AKAP19: variants seen among roughly 807,000 people sequenced by gnomAD.
The protein encoded by AKAP19 is small A-kinase anchoring protein.
chr2:189,991,641 G>A, the AKAP19 span, among the ~76,000 whole-genome samples: 1 of 152,176 alleles, frequency 6.6e-6, no homozygotes, highest in East Asian at 1.9e-4. Context: ...CTCCCACTCT[G>A]TGGTTGTCTG....
At chr2:190,065,954 C>T in the AKAP19 span, among the ~76,000 whole-genome samples, 3 of 152,182 alleles carry the variant, frequency 2.0e-5, no homozygotes, top group Non-Finnish European at 2.9e-5. Flanking sequence ...AGTCTGACTG[C>T]TGGAGACCCA....
At chr2:189,910,494 A>G in the AKAP19 span, among the ~76,000 whole-genome samples, 1 of 152,018 alleles carries the variant, frequency 6.6e-6, no homozygotes, top group Admixed American at 6.6e-5. Flanking sequence ...CTTCATGCAA[A>G]ACTATACTTT....
the AKAP19 span, among the ~76,000 whole-genome samples, chr2:189,888,716 G>T: frequency 6.6e-6 from 1 of 152,254 alleles, no homozygotes; most frequent in Non-Finnish European, 1.5e-5. Flanking sequence ...GTGAATGGGA[G>T]TTCACTCATG....
At chr2:189,971,705 G>A in the AKAP19 span, among the ~76,000 whole-genome samples, 4 of 152,228 alleles carry the variant, frequency 2.6e-5, no homozygotes, top group Admixed American at 2.0e-4. Flanking sequence ...ATCTCATTGC[G>A]GTTTTGATTT....
At chr2:190,076,242 G>A in the AKAP19 span, among the ~76,000 whole-genome samples, 32,607 of 152,010 alleles carry the variant, frequency 0.21, 9,061 homozygotes, top group African/African-American at 0.65. Flanking sequence ...TATTGTGGGG[G>A]GTTATGCTGT....
At chr2:189,893,351 G>A in the AKAP19 span, among the ~76,000 whole-genome samples, 1 of 152,174 alleles carries the variant, frequency 6.6e-6, no homozygotes, top group Non-Finnish European at 1.5e-5. Flanking sequence ...TGGTGGCGTA[G>A]GCACCTGAAG....
chr2:189,995,252 A>C, the AKAP19 span, among the ~76,000 whole-genome samples: 1 of 152,094 alleles, frequency 6.6e-6, no homozygotes, highest in East Asian at 1.9e-4. Context: ...ATGTGTTGCT[A>C]TCTATCACAT....
At chr2:190,180,197 C>T in the AKAP19 span, among the ~76,000 whole-genome samples, 2 of 152,254 alleles carry the variant, frequency 1.3e-5, no homozygotes, top group African/African-American at 4.8e-5. This position sits in a 1 kb window ranked among gnomAD's most constrained non-coding sequence, Gnocchi z 6.8. Flanking sequence ...GGCGGAATCC[C>T]TGGCCTAGCT....
the AKAP19 span, among the ~76,000 whole-genome samples, chr2:190,128,629 A>C: frequency 3.9e-5 from 6 of 152,228 alleles, no homozygotes; most frequent in African/African-American, 1.4e-4. Flanking sequence ...ATGAATGCTT[A>C]ATAAATATAT....
chr2:190,179,886 T>A, the AKAP19 span, among the ~76,000 whole-genome samples: 2 of 152,216 alleles, frequency 1.3e-5, no homozygotes, highest in Non-Finnish European at 2.9e-5. The surrounding 1 kb of genome is among the most constrained non-coding windows in gnomAD (Gnocchi z 6.0). Context: ...ATAATGGTTC[T>A]TTTGTAGTTC....
chr2:190,056,746 T>G, the AKAP19 span: 1 of 158,120 alleles, frequency 6.3e-6, no homozygotes, highest in Non-Finnish European at 1.4e-5. Context: ...GAATGGAAAT[T>G]GCATATGCTG....
At chr2:190,183,982 T>C in the AKAP19 span, among the ~76,000 whole-genome samples, 6 of 152,062 alleles carry the variant, frequency 3.9e-5, no homozygotes, top group Non-Finnish European at 7.4e-5. Context: ...CCTTTCTTAC[T>C]ATACTTTCCA....
the AKAP19 span, chr2:190,062,403 C>T: frequency 3.1e-4 from 500 of 1,613,366 alleles, 2 homozygotes; most frequent in African/African-American, 5.3e-3. Context: ...TGTTTCCAGA[C>T]GAAGTTTACT....
chr2:190,114,852 A>C, the AKAP19 span, among the ~76,000 whole-genome samples: 1 of 151,980 alleles, frequency 6.6e-6, no homozygotes, highest in Non-Finnish European at 1.5e-5. Flanking sequence ...TCTAATGCCT[A>C]ATTTGTATTT....
At chr2:190,082,810 C>T in the AKAP19 span, among the ~76,000 whole-genome samples, 6 of 152,154 alleles carry the variant, frequency 3.9e-5, no homozygotes, top group Admixed American at 1.3e-4. Flanking sequence ...CAATTCTAAA[C>T]CCACTTTCTC....
the AKAP19 span, among the ~76,000 whole-genome samples, chr2:189,906,937 T>G: frequency 1.3e-5 from 2 of 152,180 alleles, no homozygotes; most frequent in Non-Finnish European, 2.9e-5. Flanking sequence ...AAAATCCCAA[T>G]TATGTTAATT....
chr2:190,127,129 T>C, the AKAP19 span, among the ~76,000 whole-genome samples: 6 of 151,762 alleles, frequency 4.0e-5, no homozygotes, highest in Non-Finnish European at 8.8e-5. Flanking sequence ...TGTCTTATAC[T>C]TTTGTATACC....
At chr2:190,064,366 G>A in the AKAP19 span, among the ~76,000 whole-genome samples, 6 of 152,002 alleles carry the variant, frequency 3.9e-5, no homozygotes, top group African/African-American at 1.5e-4. Context: ...CAAATGTTAT[G>A]ATCATTGTAA....
chr2:190,019,191 A>G, the AKAP19 span, among the ~76,000 whole-genome samples: 2 of 151,998 alleles, frequency 1.3e-5, no homozygotes, highest in Admixed American at 1.3e-4. Context: ...GGTTGGGCTG[A>G]GCCACTGTTT....
Sources: allele counts gnomAD v4.1 joint callset (sites outside exome capture counted in the v4.1 genomes callset), GRCh38; gene constraint gnomAD v4.1.1; non-coding constraint Gnocchi (gnomAD v3.1); transcripts MANE v1.5; gene names NCBI Gene and HGNC (gene_info 2026-07-23, HGNC 2026-07-21).